The following EBF3 variants were observed in gnomAD, a reference collection of about 807,000 sequenced individuals.
EBF3 encodes EBF transcription factor 3.
A neutral mutation model predicts 77.1 loss-of-function variants in EBF3; 18 were observed. The ratio of observed to expected loss-of-function variants is 0.23; its 90% CI spans 0.16 to 0.35. The LOEUF (loss-of-function observed/expected upper bound fraction) is 0.35, where lower values mean the gene tolerates loss of function less well. EBF3 is among the 10% of genes least tolerant of loss of function. EBF3 has a pLI of 1.00. For missense variants in EBF3, 558 were observed against 860.0 expected, an observed-to-expected ratio of 0.65 and a Z score of 4.39; for synonymous variants, 350 against 343.5, an observed-to-expected ratio of 1.02 and a Z score of -0.21.
chr10:129,920,621 T>C lies in EBF3; in HGVS notation c.554+36637A>G, dbSNP rs1053386492. Among the ~76,000 whole-genome samples, 3 of 152,134 alleles carry C rather than the reference T, an allele frequency of 2.0e-5. No homozygotes were observed. In the East Asian group the frequency reaches 5.8e-4, roughly 29 times the overall value. Reference sequence around the variant, plus strand: ...ATTTTATAGAAGAAAAAGGAACGAATAGAAAGGAAGACATGACTCCAGTGG... The same window carrying C: ...ATTTTATAGAAGAAAAAGGAACGAACAGAAAGGAAGACATGACTCCAGTGG... On this transcript the variant is annotated intron_variant, in intron 6 of 16. Coordinates refer to ENST00000440978, the MANE Select transcript of EBF3 (RefSeq NM_001375380.1).
chr10:129,842,696 G>A lies in EBF3; in HGVS notation c.1195-403C>T, dbSNP rs377432092. ...GGAGAATCGCTTGAACCTGGGAGGTGGAGGTTGCAGTGAACCGACACTGCC... is the reference window on the plus strand; with the variant it reads ...GGAGAATCGCTTGAACCTGGGAGGTAGAGGTTGCAGTGAACCGACACTGCC... On this transcript the variant is annotated intron_variant, in intron 12 of 16. Transcript: ENST00000440978. The surrounding 1 kb of genome is among the most constrained non-coding windows in gnomAD (Gnocchi z 4.4). Among the ~76,000 whole-genome samples, 7 of 150,818 alleles carry A rather than the reference G, an allele frequency of 4.6e-5. No homozygotes were observed. Among genetic ancestry groups the A allele is most frequent in the South Asian group, 4.2e-4 (2 of 4,746 alleles).
chr10:129,906,764 T>C (rs1005625741), intron 6 of EBF3, among the ~76,000 whole-genome samples: 37 of 152,282 alleles, frequency 2.4e-4, no homozygotes, highest in Non-Finnish European at 4.0e-4. Context: ...GCTTTTTTTT[T>C]CGATTCTGTC....
intron 11 of EBF3, chr10:129,843,497 T>C: frequency 2.8e-6 from 1 of 358,712 alleles, no homozygotes; most frequent in Non-Finnish European, 5.2e-6. Context: ...ACGAGCCCAA[T>C]CCGTGCCTGA....
intron 6 of EBF3, among the ~76,000 whole-genome samples, chr10:129,894,170 G>T (rs1404045492): frequency 2.0e-5 from 3 of 152,174 alleles, no homozygotes; most frequent in Admixed American, 2.0e-4. Context: ...TGTCAAGCTG[G>T]TGATCTGCAC....
intron 8 of EBF3, among the ~76,000 whole-genome samples, chr10:129,872,548 G>A (rs1852474107): frequency 1.3e-5 from 2 of 152,190 alleles, no homozygotes; most frequent in Admixed American, 1.3e-4. Flanking sequence ...GTGGGACCTC[G>A]GGATAGAGGA....
At chr10:129,923,001 T>C (rs1856417775) in intron 6 of EBF3, among the ~76,000 whole-genome samples, 1 of 152,146 alleles carries the variant, frequency 6.6e-6, no homozygotes, top group Non-Finnish European at 1.5e-5. Flanking sequence ...CCTGCCCCTC[T>C]CCGGGTCTCG....
chr10:129,934,344 T>A (rs113720744), intron 6 of EBF3, among the ~76,000 whole-genome samples: 1 of 152,026 alleles, frequency 6.6e-6, no homozygotes, highest in African/African-American at 2.4e-5. Flanking sequence ...CAGCGGGTAC[T>A]GAGGAGATCC....
intron 6 of EBF3, among the ~76,000 whole-genome samples, chr10:129,927,950 G>A (rs969661184): frequency 2.0e-5 from 3 of 152,194 alleles, no homozygotes; most frequent in African/African-American, 7.2e-5. Flanking sequence ...AGTGCTCGGT[G>A]GAGAGCTTGA....
At chr10:129,936,323 C>A (rs551885985) in intron 6 of EBF3, among the ~76,000 whole-genome samples, 4 of 152,286 alleles carry the variant, frequency 2.6e-5, no homozygotes. Context: ...CTGTCTCTGG[C>A]TCAGAGTCAT....
intron 11 of EBF3, 163 bp from the exon 12 acceptor site, chr10:129,843,365 C>A: frequency 1.6e-6 from 1 of 638,136 alleles, no homozygotes. Flanking sequence ...CAGGAAGGCA[C>A]GTGCGTGCTG....
At chr10:129,925,586 C>T (rs1156726511) in intron 6 of EBF3, among the ~76,000 whole-genome samples, 4 of 94,842 alleles carry the variant, frequency 4.2e-5, no homozygotes, top group African/African-American at 1.7e-4. Context: ...AGCAAGACTC[C>T]ATCTCAAAAA....
At chr10:129,951,204 C>G (rs903242530) in intron 6 of EBF3, among the ~76,000 whole-genome samples, 11 of 152,242 alleles carry the variant, frequency 7.2e-5, no homozygotes, top group African/African-American at 2.7e-4. Flanking sequence ...TCTTCTGGTG[C>G]ACAGAGTAAT....
At position 129,841,046 on chromosome 10, in the gene EBF3, C is replaced by CCCCCCG. The variant is rs1564814819; in HGVS notation, c.1373-20_1373-15dup. The CCCCCCG allele has an allele frequency of 4.4e-6, 7 of 1,602,488 alleles. No individual in the cohort carries two copies. Among genetic ancestry groups the CCCCCCG allele is most frequent in the Non-Finnish European group, 2.6e-6 (3 of 1,174,602 alleles). On this transcript the variant is annotated splice_polypyrimidine_tract_variant and intron_variant, in intron 13 of 16. Coordinates refer to ENST00000440978, the MANE Select transcript of EBF3 (RefSeq NM_001375380.1). This position sits in a 1 kb window ranked among gnomAD's most constrained non-coding sequence, Gnocchi z 4.6. ...GACTGTAGCCGACTGTTGAAATCCC[C>CCCCCCG]CCCCCGGCCAAAAATAACATTATTA...
chr10:129,889,608 C>T (rs1853866655), intron 6 of EBF3, among the ~76,000 whole-genome samples: 1 of 152,206 alleles, frequency 6.6e-6, no homozygotes, highest in African/African-American at 2.4e-5. Context: ...ATTCCCTTGA[C>T]TCATTTGATA....
chr10:129,846,807 T>C (rs937056047), intron 11 of EBF3, among the ~76,000 whole-genome samples: 11 of 152,098 alleles, frequency 7.2e-5, no homozygotes, highest in African/African-American at 2.7e-4. Flanking sequence ...TTCACCTGAA[T>C]TAAAAGAGCT....
chr10:129,917,361 T>G (rs1400541356), intron 6 of EBF3, among the ~76,000 whole-genome samples: 1 of 151,942 alleles, frequency 6.6e-6, no homozygotes, highest in Non-Finnish European at 1.5e-5. Flanking sequence ...AGGGCGAGAC[T>G]CCGTCTCAAG....
At chr10:129,867,342 A>G (rs1852095420) in intron 9 of EBF3, 75 bp from the exon 10 acceptor site, 8 of 1,588,006 alleles carry the variant, frequency 5.0e-6, no homozygotes, top group Non-Finnish European at 6.8e-6. Context: ...GTTGGATATA[A>G]TTACCAAAAT....
rs1029866293 is a variant in EBF3, at chr10:129,841,476, A to G, written c.1373-444T>C. ...ATTTGTATGGTTGTTATTTCTATACATGGGGGCGTTCGGGGGACATGGAAG... is the reference window on the plus strand; with the variant it reads ...ATTTGTATGGTTGTTATTTCTATACGTGGGGGCGTTCGGGGGACATGGAAG... On this transcript the variant is annotated intron_variant, in intron 13 of 16. Coordinates refer to ENST00000440978, the MANE Select transcript of EBF3 (RefSeq NM_001375380.1). The surrounding 1 kb of genome is among the most constrained non-coding windows in gnomAD (Gnocchi z 4.6). Among the ~76,000 whole-genome samples, 1 of 152,138 alleles carries G rather than the reference A, an allele frequency of 6.6e-6. No homozygotes were observed. Among genetic ancestry groups the G allele is most frequent in the Non-Finnish European group, 1.5e-5 (1 of 68,036 alleles).
At position 129,915,635 on chromosome 10, in the gene EBF3, T is replaced by C. The variant is rs535218645; in HGVS notation, c.555-37786A>G. The stretch of plus-strand genomic sequence containing the variant: ...GCTGGGCGAGCACAGCCGCCGAGAG[T>C]GCGGGAAAGCTGTGCCCACAGATGG... On this transcript the variant is annotated intron_variant, in intron 6 of 16. Coordinates refer to ENST00000440978, the MANE Select transcript of EBF3 (RefSeq NM_001375380.1). Among the ~76,000 whole-genome samples the C allele has an allele frequency of 8.6e-5, 13 of 151,276 alleles. No homozygotes were observed. In the East Asian group the frequency reaches 2.3e-3, roughly 27 times the overall value.
Sources: allele counts gnomAD v4.1 joint callset (sites outside exome capture counted in the v4.1 genomes callset), GRCh38; gene constraint gnomAD v4.1.1; non-coding constraint Gnocchi (gnomAD v3.1); transcripts MANE v1.5; gene names NCBI Gene and HGNC (gene_info 2026-07-23, HGNC 2026-07-21).